The following SAMD13 variants were observed in gnomAD, a reference collection of about 807,000 sequenced individuals.
The protein encoded by SAMD13 is sterile alpha motif domain containing 13.
A neutral mutation model predicts 12.4 loss-of-function variants in SAMD13; 9 were observed. The observed-to-expected ratio is 0.72, with a 90% confidence interval of 0.44 to 1.26. The LOEUF is 1.26. SAMD13 is among the 50% of genes most tolerant of loss of function. The probability of loss-of-function intolerance (pLI) is 0.00; values close to 1 mark genes in which losing one functional copy is unlikely to be tolerated. For missense variants in SAMD13, 84 were observed against 119.6 expected (o/e 0.70, Z 1.39); for synonymous variants, 46 against 45.4 (o/e 1.01, Z -0.05).
chr1:84,312,931 T>A (rs1180234779), intron 2 of SAMD13, among the ~76,000 whole-genome samples: 2 of 152,162 alleles, frequency 1.3e-5, no homozygotes, highest in East Asian at 3.8e-4. Context: ...TTGAGGTTGA[T>A]GATTAACTCA....
chr1:84,310,448 G>C (rs1387881207), intron 2 of SAMD13, among the ~76,000 whole-genome samples: 1 of 152,106 alleles, frequency 6.6e-6, no homozygotes, highest in South Asian at 2.1e-4. Context: ...CATGGAACCC[G>C]TGAGCCACAG....
chr1:84,305,293 A>G (rs1678543664), intron 2 of SAMD13, among the ~76,000 whole-genome samples: 1 of 152,120 alleles, frequency 6.6e-6, no homozygotes, highest in African/African-American at 2.4e-5. Flanking sequence ...CTTATTTGCC[A>G]TTCATGTATC....
In SAMD13 at chr1:84,350,522, A is replaced by G. The variant is rs953094914; in HGVS notation, c.*748A>G. 1 of 152,542 alleles carries G rather than the reference A, an allele frequency of 6.6e-6. No individual in the cohort carries two copies. The highest frequency in any genetic ancestry group is 1.9e-4 in the East Asian group (1 of 5,204). 9.4% of individuals were successfully genotyped at this position (152,542 alleles called of 1,614,324 possible). ...TTTTTTTAACTTCATGGTTTTATTT[A>G]TAATAATTTGTTTCTGAAGAAATTT... is the stretch of plus-strand genomic sequence containing the variant. On this transcript the variant is annotated 3_prime_UTR_variant, in exon 4 of 4. Transcript: ENST00000394834.
chr1:84,302,390 G>C (rs1011201853), intron 1 of SAMD13, among the ~76,000 whole-genome samples: 40 of 104,420 alleles, frequency 3.8e-4, no homozygotes, highest in African/African-American at 1.4e-3. Flanking sequence ...TTTTCATTTT[G>C]CTAATTGCAT....
Position 84,321,995 on chromosome 1 carries a change from C to T in SAMD13, c.54-3642C>T, listed in dbSNP as rs149793458. The stretch of plus-strand genomic sequence containing the variant: ...GCAAGCCATCCCCACTCTGGGGCCC[C>T]GCTCAGAGAGTGTTGAGGGCAATAA... On this transcript the variant is annotated intron_variant, in intron 2 of 3. Coordinates refer to ENST00000394834, the MANE Select transcript of SAMD13 (RefSeq NM_001134663.2). Among the ~76,000 whole-genome samples the T allele has an allele frequency of 6.0e-4, 91 of 152,322 alleles. No individual in the cohort carries two copies. The East Asian group carries it at 0.014, about 24-fold the overall frequency.
At chr1:84,309,030 AGTT>A (rs1678648302) in intron 2 of SAMD13, among the ~76,000 whole-genome samples, 1 of 152,188 alleles carries the variant, frequency 6.6e-6, no homozygotes, top group African/African-American at 2.4e-5. Context: ...TAAAATATAG[AGTT>A]GTTGTGAGGA....
chr1:84,319,139 A>C (rs1678891102), intron 2 of SAMD13, among the ~76,000 whole-genome samples: 1 of 152,210 alleles, frequency 6.6e-6, no homozygotes, highest in Non-Finnish European at 1.5e-5. Flanking sequence ...TTCTCTAAGC[A>C]GTGAAGCCAT....
intron 3 of SAMD13, among the ~76,000 whole-genome samples, chr1:84,336,101 G>C (rs1466546568): frequency 6.6e-6 from 1 of 152,210 alleles, no homozygotes; most frequent in Non-Finnish European, 1.5e-5. Flanking sequence ...TCTCTAGCAA[G>C]GTTGGGGAAA....
rs1380787035 is a variant in SAMD13, at chr1:84,350,259, AC to A, written c.*488del. ...GTGTTACTTGGACGGAATTGCCAAC[AC>A]CCTTTTTTATAGAGGGTTCTCCACT... On this transcript the variant is annotated 3_prime_UTR_variant, in exon 4 of 4. Coordinates refer to ENST00000394834, the MANE Select transcript of SAMD13 (RefSeq NM_001134663.2). 6.6e-6 allele frequency: 1 copy of A among 152,564 alleles called. No homozygotes were observed. Among genetic ancestry groups the A allele is most frequent in the Admixed American group, 6.5e-5 (1 of 15,332 alleles). 9.5% of individuals were successfully genotyped at this position (152,564 alleles called of 1,614,324 possible).
chr1:84,299,617 A>T (rs1394246516), upstream of SAMD13: 2 of 1,518,186 alleles, frequency 1.3e-6, no homozygotes, highest in Non-Finnish European at 1.8e-6. Flanking sequence ...CAGAGGATTG[A>T]TGGCAAACAG....
intron 3 of SAMD13, among the ~76,000 whole-genome samples, chr1:84,347,355 A>G (rs1679554516): frequency 1.3e-5 from 2 of 152,334 alleles, no homozygotes; most frequent in South Asian, 2.1e-4. Flanking sequence ...CAGTGTGTCT[A>G]CTGAACAAAG....
intron 2 of SAMD13, among the ~76,000 whole-genome samples, chr1:84,315,756 T>C (rs1218431936): frequency 1.3e-5 from 2 of 152,210 alleles, no homozygotes; most frequent in Admixed American, 6.5e-5. Flanking sequence ...CTATGTCACA[T>C]AGTAGTTCTA....
At chr1:84,307,037 T>G (rs1195982272) in intron 2 of SAMD13, among the ~76,000 whole-genome samples, 1 of 152,070 alleles carries the variant, frequency 6.6e-6, no homozygotes, top group Non-Finnish European at 1.5e-5. Flanking sequence ...CCTTCATGTT[T>G]CTTGTGCTTT....
At chr1:84,322,095 AAT>A (rs1678959034) in intron 2 of SAMD13, among the ~76,000 whole-genome samples, 2 of 152,256 alleles carry the variant, frequency 1.3e-5, no homozygotes, top group South Asian at 4.1e-4. Context: ...CCCTTACGTA[AAT>A]ACGTCCTCAA....
At chr1:84,298,792 C>G (rs316643), upstream of SAMD13, among the ~76,000 whole-genome samples, 42,382 of 151,912 alleles carry the variant, frequency 0.28, 7,094 homozygotes, top group African/African-American at 0.45. Flanking sequence ...CGGAGAGCCC[C>G]GGCTCGCCTG....
chr1:84,312,663 A>C (rs2101794198), intron 2 of SAMD13, among the ~76,000 whole-genome samples: 1 of 152,286 alleles, frequency 6.6e-6, no homozygotes, highest in African/African-American at 2.4e-5. Context: ...TGAGAACTTC[A>C]ACAATAGTAC....
chr1:84,348,485 A>G (rs773495632), intron 3 of SAMD13, among the ~76,000 whole-genome samples: 3 of 151,772 alleles, frequency 2.0e-5, no homozygotes, highest in Non-Finnish European at 4.4e-5. Context: ...ATGCACAGAA[A>G]TGTCGTGACT....
At chr1:84,346,250 A>G (rs1679531912) in intron 3 of SAMD13, among the ~76,000 whole-genome samples, 1 of 152,222 alleles carries the variant, frequency 6.6e-6, no homozygotes. Flanking sequence ...ATATCTATGA[A>G]TCCTACTCAT....
chr1:84,318,303 T>G (rs1386386411), intron 2 of SAMD13, among the ~76,000 whole-genome samples: 1 of 152,066 alleles, frequency 6.6e-6, no homozygotes, highest in Non-Finnish European at 1.5e-5. Context: ...TTTGATATGT[T>G]GTGTTTTTGT....
Sources: gnomAD v4.1 joint callset for allele counts (sites outside exome capture counted in the v4.1 genomes callset) on GRCh38, gnomAD v4.1.1 for gene constraint, MANE v1.5 for transcripts, NCBI Gene and HGNC (gene_info 2026-07-23, HGNC 2026-07-21) for gene names.